Variants in MSI2 observed in about 807,000 individuals in gnomAD.
MSI2 encodes RNA-binding protein Musashi homolog 2.
A neutral mutation model predicts 45.6 loss-of-function variants in MSI2; 17 were observed. The observed-to-expected ratio is 0.37, with a 90% CI of 0.26 to 0.56. The LOEUF is 0.56. Among genes scored for constraint, MSI2 ranks in the 20% least tolerant of loss-of-function variants. The pLI, the probability that MSI2 is intolerant of heterozygous loss-of-function variation, is 0.77. For missense variants in MSI2, 293 were observed against 444.2 expected, an observed-to-expected ratio of 0.66 and a Z score of 3.06; for synonymous variants, 156 against 158.2, an observed-to-expected ratio of 0.99 and a Z score of 0.11.
At chr17:57,507,968 T>C (rs1046441620) in intron 6 of MSI2, among the ~76,000 whole-genome samples, 1 of 152,238 alleles carries the variant, frequency 6.6e-6, no homozygotes, top group African/African-American at 2.4e-5. Context: ...TTTTTAATCC[T>C]TGCTGTGCAT....
At chr17:57,472,862 T>C (rs983470294) in intron 6 of MSI2, among the ~76,000 whole-genome samples, 2 of 152,076 alleles carry the variant, frequency 1.3e-5, no homozygotes, top group South Asian at 2.1e-4. Flanking sequence ...CTATCCATCA[T>C]TGAGTTTTCC....
At chr17:57,346,499 A>G (rs1567771518) in intron 5 of MSI2, among the ~76,000 whole-genome samples, 1 of 152,186 alleles carries the variant, frequency 6.6e-6, no homozygotes, top group Non-Finnish European at 1.5e-5. Flanking sequence ...ATAAAATAAA[A>G]ATGTGAATAA....
intron 6 of MSI2, among the ~76,000 whole-genome samples, chr17:57,504,755 A>G (rs1045217540): frequency 6.6e-6 from 1 of 151,890 alleles, no homozygotes; most frequent in African/African-American, 2.4e-5. Context: ...ACACGGTGAA[A>G]CCCCGAATCT....
At chr17:57,403,035 T>G (rs1446378781) in intron 6 of MSI2, among the ~76,000 whole-genome samples, 1 of 152,208 alleles carries the variant, frequency 6.6e-6, no homozygotes, top group Admixed American at 6.5e-5. Flanking sequence ...AATGGAAAGC[T>G]CTGGAGGGTG....
At chr17:57,639,219 G>C (rs991351673) in intron 10 of MSI2, among the ~76,000 whole-genome samples, 1 of 152,180 alleles carries the variant, frequency 6.6e-6, no homozygotes, top group South Asian at 2.1e-4. Context: ...TCAGACCATA[G>C]CGGGCAACAT....
chr17:57,444,594 A>C (rs1033876055), intron 6 of MSI2: 1 of 152,146 alleles, frequency 6.6e-6, no homozygotes, highest in Non-Finnish European at 1.5e-5. Context: ...AGAAAAAAAA[A>C]AAAGAACACA....
At position 57,654,915 on chromosome 17, in the gene MSI2, G is replaced by GTT. The variant is rs11319236; in HGVS notation, c.790+2770_790+2771dup. On this transcript the variant is annotated intron_variant, in intron 11 of 13. Transcript: ENST00000284073. ...ATTTTTGTCTAGCTCCAACGTTTGG[G>GTT]TTTTTTTTTTTTTTTTTCCTTCCAT... Among the ~76,000 whole-genome samples the GTT allele has an allele frequency of 3.5e-3, 471 of 135,410 alleles. 2 individuals carry two copies. Among genetic ancestry groups the GTT allele is most frequent in the Non-Finnish European group, 5.2e-3 (335 of 64,264 alleles). 88.8% of individuals were successfully genotyped at this position (135,410 alleles called of 152,430 possible). A position where few individuals can be genotyped will look rare whatever the true frequency, so the allele number is the denominator to read the frequency against.
intron 5 of MSI2, chr17:57,268,531 T>C (rs1018138792): frequency 2.8e-5 from 4 of 140,848 alleles, no homozygotes; most frequent in African/African-American, 1.1e-4. Context: ...CATATTTTAC[T>C]AATAATTAAA....
At chr17:57,624,307 C>T (rs902770623) in intron 9 of MSI2, among the ~76,000 whole-genome samples, 3 of 152,204 alleles carry the variant, frequency 2.0e-5, no homozygotes, top group Admixed American at 6.5e-5. Context: ...GCAGCCATGA[C>T]TTGGCTGTTT....
At chr17:57,270,526 A>T (rs1467113798) in intron 5 of MSI2, among the ~76,000 whole-genome samples, 2 of 152,192 alleles carry the variant, frequency 1.3e-5, no homozygotes, top group Non-Finnish European at 2.9e-5. Flanking sequence ...CTTCAGGTTA[A>T]TTTTTGTTAC....
chr17:57,682,932 A>G lies in MSI2; in HGVS notation c.*3415A>G, dbSNP rs947665984. 3.1e-5 allele frequency: 7 copies of G among 227,434 alleles called. No homozygotes were observed. Among genetic ancestry groups the G allele is most frequent in the African/African-American group, 1.6e-4 (7 of 44,976 alleles). The allele number at this position is 227,434 out of a possible 1,614,324, so 14.1% of individuals were successfully genotyped here. ...GGGCATGGGGCTGACGGAGATGACC[A>G]AGCCTTGGTCTGCTCTCTAGCAGCT... On this transcript the variant is annotated 3_prime_UTR_variant, in exon 14 of 14. Coordinates refer to ENST00000284073, the MANE Select transcript of MSI2 (RefSeq NM_138962.4).
intron 5 of MSI2, among the ~76,000 whole-genome samples, chr17:57,400,312 G>C (rs956249475): frequency 4.0e-5 from 6 of 151,404 alleles, no homozygotes; most frequent in African/African-American, 1.5e-4. Flanking sequence ...TCTTTAGAAA[G>C]AAATTTTTCT....
intron 5 of MSI2, among the ~76,000 whole-genome samples, chr17:57,290,106 T>C (rs866181040): frequency 5.3e-5 from 8 of 152,142 alleles, no homozygotes; most frequent in Admixed American, 1.3e-4. Context: ...CAGCCAGTTA[T>C]AGAGGTGGGA....
chr17:57,555,012 G>A (rs181144593), intron 7 of MSI2, among the ~76,000 whole-genome samples: 11 of 152,316 alleles, frequency 7.2e-5, no homozygotes, highest in Admixed American at 3.3e-4. Flanking sequence ...TTGGGCACTC[G>A]GCTGAGCTCC....
chr17:57,283,119 G>A (rs894451016), intron 5 of MSI2, among the ~76,000 whole-genome samples: 1 of 152,118 alleles, frequency 6.6e-6, no homozygotes, highest in African/African-American at 2.4e-5. Flanking sequence ...TGTTCTCTGT[G>A]TGGGGGCTTG....
chr17:57,307,248 C>T (rs968901785), intron 5 of MSI2, among the ~76,000 whole-genome samples: 1 of 152,190 alleles, frequency 6.6e-6, no homozygotes, highest in Non-Finnish European at 1.5e-5. Flanking sequence ...ATGTGATTAA[C>T]ATTTCTAATC....
chr17:57,464,973 C>G (rs1005706585), intron 6 of MSI2, among the ~76,000 whole-genome samples: 1 of 152,230 alleles, frequency 6.6e-6, no homozygotes, highest in African/African-American at 2.4e-5. Context: ...TCCTTGCTTC[C>G]TGCTGACAGC....
intron 9 of MSI2, among the ~76,000 whole-genome samples, chr17:57,618,849 C>T (rs1045293660): frequency 6.6e-6 from 1 of 152,052 alleles, no homozygotes; most frequent in Non-Finnish European, 1.5e-5. Flanking sequence ...GCAACGCTGT[C>T]TCTTAAAAAA....
At chr17:57,289,084 C>G (rs923458936) in intron 5 of MSI2, among the ~76,000 whole-genome samples, 3 of 152,172 alleles carry the variant, frequency 2.0e-5, no homozygotes, top group African/African-American at 7.2e-5. Flanking sequence ...GGATTGGAAC[C>G]TGGACAATGA....
Sources: allele counts gnomAD v4.1 joint callset (sites outside exome capture counted in the v4.1 genomes callset), GRCh38; gene constraint gnomAD v4.1.1; transcripts MANE v1.5; gene names NCBI Gene and HGNC (gene_info 2026-07-23, HGNC 2026-07-21).